TBX15: variants seen among roughly 807,000 people sequenced by gnomAD.
The protein encoded by TBX15 is T-box transcription factor 15, also known as T-box transcription factor TBX15.
Under a neutral mutation model 53.9 loss-of-function variants are expected in TBX15, and 18 were observed. That is an observed-to-expected ratio of 0.33 (90% CI 0.23 to 0.49). The LOEUF (loss-of-function observed/expected upper bound fraction) is 0.49. Among genes scored for constraint, TBX15 ranks in the 20% least tolerant of loss-of-function variants. TBX15 has a pLI of 0.98. For missense variants in TBX15, 692 were observed against 749.5 expected (o/e 0.92, Z 0.90); for synonymous variants, 295 against 278.0 (o/e 1.06, Z -0.61).
chr1:118,942,516 A>G (rs974964104), intron 1 of TBX15, among the ~76,000 whole-genome samples: 2 of 152,152 alleles, frequency 1.3e-5, no homozygotes, highest in Non-Finnish European at 2.9e-5. Flanking sequence ...ATCCCTAGTA[A>G]TGAGGTGTCT....
At chr1:118,987,468 A>T in intron 1 of TBX15, 123 bp downstream of exon 1, 1 of 1,228,638 alleles carries the variant, frequency 8.1e-7, no homozygotes, top group Non-Finnish European at 1.1e-6. Flanking sequence ...GAAGAAACAG[A>T]AACCTATGTT....
chr1:118,903,016 G>C (rs958377813), intron 6 of TBX15, among the ~76,000 whole-genome samples: 9 of 152,134 alleles, frequency 5.9e-5, no homozygotes, highest in Non-Finnish European at 1.3e-4. Flanking sequence ...GAACAGCAGA[G>C]ACCTGATGTC....
rs189225077 is a variant in TBX15, at chr1:118,942,758, C to T, written c.206-10926G>A. Among the ~76,000 whole-genome samples, 237 of 152,322 alleles carry T rather than the reference C, an allele frequency of 1.6e-3. 2 individuals carry two copies. Among genetic ancestry groups the T allele is most frequent in the African/African-American group, 5.3e-3 (222 of 41,566 alleles). ...CAAACACCTAGAAAATACTCAGATA[C>T]TAACTCTCCTCCACATTAACCTAAG... On this transcript the variant is annotated intron_variant, in intron 1 of 7. Transcript: ENST00000369429.
In TBX15 at chr1:118,987,873, A is replaced by C; in HGVS notation, c.-78T>G. The C allele has an allele frequency of 6.6e-7, 1 of 1,518,390 alleles. No individual in the cohort carries two copies. The highest frequency in any genetic ancestry group is 2.5e-5 in the East Asian group (1 of 40,538). The allele number at this position is 1,518,390 out of a possible 1,614,324, so 94.1% of individuals were successfully genotyped here. On this transcript the variant is annotated 5_prime_UTR_variant, in exon 1 of 8. Transcript: ENST00000369429. ...CGGCGCCCTCAAGCTCTGAGCGCCC[A>C]CCGGGCCCGGCCCGGGAGAGGCGGA...
rs1331464727 is a variant in TBX15 at position 118,915,873 on chromosome 1, C to CG, written c.862-1695dup. 3.3e-5 allele frequency among the ~76,000 whole-genome samples: 5 copies of CG among 152,218 alleles called. No homozygotes were observed. In the East Asian group the frequency reaches 9.6e-4, roughly 29 times the overall value. ...ATAACAGCACTCTACTTCATGGGCC[C>CG]GGGGGAAATGGTTAAAAATATATTT... On this transcript the variant is annotated intron_variant, in intron 5 of 7. Coordinates refer to ENST00000369429, the MANE Select transcript of TBX15 (RefSeq NM_001330677.2).
intron 1 of TBX15, among the ~76,000 whole-genome samples, chr1:118,949,441 G>C (rs1348151075): frequency 6.6e-6 from 1 of 152,232 alleles, no homozygotes; most frequent in Admixed American, 6.5e-5. Context: ...GAGAACTAAT[G>C]TCTTCATCAG....
intron 1 of TBX15, among the ~76,000 whole-genome samples, chr1:118,979,216 T>A (rs1657555289): frequency 2.0e-5 from 3 of 152,092 alleles, no homozygotes; most frequent in South Asian, 4.2e-4. Context: ...TCTTTTTTTT[T>A]AATAAAAGAA....
chr1:118,933,659 GCCATTA>G (rs947057458), intron 1 of TBX15, among the ~76,000 whole-genome samples: 3 of 152,068 alleles, frequency 2.0e-5, no homozygotes, highest in Admixed American at 1.3e-4. Context: ...CAGTAGCAGA[GCCATTA>G]TATCATCACA....
chr1:118,952,473 C>A (rs78395856), intron 1 of TBX15, among the ~76,000 whole-genome samples: 4,251 of 152,258 alleles, frequency 0.028, 90 homozygotes, highest in South Asian at 0.062. Context: ...CAAACCAAGA[C>A]TCTAAATTCT....
intron 1 of TBX15, among the ~76,000 whole-genome samples, chr1:118,952,961 C>A (rs1272568048): frequency 1.3e-5 from 2 of 152,022 alleles, no homozygotes; most frequent in African/African-American, 2.4e-5. Flanking sequence ...ACAGCTCAGG[C>A]TTCTTAAAGC....
chr1:118,987,561 G>T, intron 1 of TBX15, 30 bp downstream of exon 1: 2 of 1,534,642 alleles, frequency 1.3e-6, no homozygotes, highest in Non-Finnish European at 1.8e-6. Context: ...CTCTCCGCCC[G>T]CCTCCCGCGG....
intron 1 of TBX15, among the ~76,000 whole-genome samples, chr1:118,955,068 C>A (rs1213381051): frequency 6.6e-6 from 1 of 152,320 alleles, no homozygotes; most frequent in Non-Finnish European, 1.5e-5. Flanking sequence ...TAGGAGTCAC[C>A]TACATGGCAT....
At chr1:118,886,089 G>A (rs763522984) in intron 7 of TBX15, among the ~76,000 whole-genome samples, 1 of 152,168 alleles carries the variant, frequency 6.6e-6, no homozygotes, top group African/African-American at 2.4e-5. Flanking sequence ...TGGGGGTGCA[G>A]AGCAGTGGAG....
chr1:118,900,950 C>T (rs981574322), intron 6 of TBX15, among the ~76,000 whole-genome samples: 9 of 152,106 alleles, frequency 5.9e-5, no homozygotes, highest in Admixed American at 2.0e-4. Context: ...GTTCATTCTT[C>T]CCAGGAACAT....
intron 1 of TBX15, among the ~76,000 whole-genome samples, chr1:118,941,336 A>G (rs761955436): frequency 1.3e-5 from 2 of 152,226 alleles, no homozygotes; most frequent in Non-Finnish European, 2.9e-5. Context: ...GGAAGAACTA[A>G]GAAGCCAATT....
Position 118,926,420 on chromosome 1 carries a change from C to T in TBX15, c.521+90G>A. The T allele has an allele frequency of 4.6e-6, 5 of 1,097,604 alleles. 1 individual carries two copies. The South Asian group carries it at 5.3e-5, about 12-fold the overall frequency. The allele number at this position is 1,097,604 out of a possible 1,614,324, so 68.0% of individuals were successfully genotyped here. ...CATTCCTTGTTCTCTGTACAGCATG[C>T]ATTGCTAAACTATTTCCTCTAAGGA... On this transcript the variant is annotated intron_variant, in intron 3 of 7. Transcript: ENST00000369429.
At chr1:118,919,504 G>A (rs763102668) in intron 5 of TBX15, among the ~76,000 whole-genome samples, 1 of 152,254 alleles carries the variant, frequency 6.6e-6, no homozygotes, top group South Asian at 2.1e-4. Flanking sequence ...AGGATGGAAG[G>A]AAGGAATGGA....
At chr1:118,939,069 G>T (rs965977473) in intron 1 of TBX15, among the ~76,000 whole-genome samples, 1 of 151,996 alleles carries the variant, frequency 6.6e-6, no homozygotes, top group African/African-American at 2.4e-5. Flanking sequence ...CATGTCCTTC[G>T]CAGCAACATG....
chr1:118,941,801 A>C (rs1240412504), intron 1 of TBX15, among the ~76,000 whole-genome samples: 1 of 152,112 alleles, frequency 6.6e-6, no homozygotes, highest in African/African-American at 2.4e-5. Context: ...ACCATAGCAC[A>C]CAGCATGCTG....
Sources: gnomAD v4.1 joint callset for allele counts (sites outside exome capture counted in the v4.1 genomes callset) on GRCh38, gnomAD v4.1.1 for gene constraint, MANE v1.5 for transcripts, NCBI Gene and HGNC (gene_info 2026-07-23, HGNC 2026-07-21) for gene names.